VWC2L: variants seen among roughly 807,000 people sequenced by gnomAD.
VWC2L encodes the protein von Willebrand factor C domain-containing protein 2-like.
A neutral mutation model predicts 21.6 loss-of-function variants in VWC2L; 10 were observed. That is an observed-to-expected ratio of 0.46 (90% CI 0.29 to 0.78). VWC2L has a LOEUF of 0.78. Among genes scored for constraint, VWC2L ranks in the 30% least tolerant of loss-of-function variants. VWC2L has a pLI of 0.10. For missense variants in VWC2L, 209 were observed against 277.1 expected, an observed-to-expected ratio of 0.75 and a Z score of 1.74; for synonymous variants, 96 against 94.3, an observed-to-expected ratio of 1.02 and a Z score of -0.10.
At chr2:214,501,813 T>C (rs1255658369) in intron 3 of VWC2L, among the ~76,000 whole-genome samples, 13 of 152,152 alleles carry the variant, frequency 8.5e-5, no homozygotes, top group Admixed American at 6.5e-4. Context: ...CTTGGGATCT[T>C]TGAGCCACTA....
intron 3 of VWC2L, among the ~76,000 whole-genome samples, chr2:214,550,353 C>A (rs779370646): frequency 3.7e-4 from 57 of 152,242 alleles, no homozygotes; most frequent in Non-Finnish European, 6.5e-4. Flanking sequence ...TCCATTTCAA[C>A]CTTGGCTCTT....
intron 3 of VWC2L, among the ~76,000 whole-genome samples, chr2:214,467,666 A>C (rs1475420306): frequency 6.6e-6 from 1 of 152,146 alleles, no homozygotes; most frequent in East Asian, 1.9e-4. Flanking sequence ...TTTTTAACAG[A>C]GATTTAGCTC....
intron 3 of VWC2L, among the ~76,000 whole-genome samples, chr2:214,438,938 T>A (rs1248575259): frequency 6.6e-6 from 1 of 152,062 alleles, no homozygotes; most frequent in East Asian, 1.9e-4. Context: ...GCCACTTCTG[T>A]TCCCTCTTGG....
At chr2:214,552,268 T>C (rs1689806333) in intron 3 of VWC2L, among the ~76,000 whole-genome samples, 1 of 152,360 alleles carries the variant, frequency 6.6e-6, no homozygotes, top group Admixed American at 6.5e-5. Flanking sequence ...AAATAGGCCT[T>C]AGAAGTTGAC....
chr2:214,494,765 A>G (rs1383734343), intron 3 of VWC2L, among the ~76,000 whole-genome samples: 2 of 150,408 alleles, frequency 1.3e-5, no homozygotes, highest in African/African-American at 2.4e-5. Context: ...TGTTTTTTTT[A>G]TAGCACTAGG....
intron 3 of VWC2L, among the ~76,000 whole-genome samples, chr2:214,504,005 T>C (rs1020066006): frequency 1.3e-5 from 2 of 152,160 alleles, no homozygotes; most frequent in African/African-American, 4.8e-5. Context: ...ATTTAGACAC[T>C]GGCTAAAACA....
At chr2:214,480,254 G>T (rs1042227030) in intron 3 of VWC2L, among the ~76,000 whole-genome samples, 6 of 152,108 alleles carry the variant, frequency 3.9e-5, no homozygotes, top group Non-Finnish European at 8.8e-5. Flanking sequence ...ATATTGTATG[G>T]TAATAAAAGA....
At chr2:214,569,391 T>G (rs575630162) in intron 3 of VWC2L, among the ~76,000 whole-genome samples, 3 of 152,246 alleles carry the variant, frequency 2.0e-5, no homozygotes, top group Admixed American at 2.0e-4. Flanking sequence ...CAATGCTTTA[T>G]CATGGCCAAC....
chr2:214,538,891 A>C (rs1317405684), intron 3 of VWC2L, among the ~76,000 whole-genome samples: 1 of 152,080 alleles, frequency 6.6e-6, no homozygotes, highest in Admixed American at 6.6e-5. Context: ...GTGTTGTTTG[A>C]GAGACGAATT....
intron 3 of VWC2L, among the ~76,000 whole-genome samples, chr2:214,534,485 C>T (rs1053373204): frequency 6.6e-6 from 1 of 152,026 alleles, no homozygotes; most frequent in Non-Finnish European, 1.5e-5. Context: ...TACATCACCA[C>T]CAATGAGAAA....
chr2:214,460,890 T>G (rs549056189), intron 3 of VWC2L, among the ~76,000 whole-genome samples: 1 of 152,296 alleles, frequency 6.6e-6, no homozygotes, highest in South Asian at 2.1e-4. Flanking sequence ...CTTCTTCCAG[T>G]TTTTTGGATT....
rs560287970 is a variant in VWC2L, at chr2:214,493,724, C to G, written c.520+56966C>G. On this transcript the variant is annotated intron_variant, in intron 3 of 3. Coordinates refer to ENST00000312504, the MANE Select transcript of VWC2L (RefSeq NM_001080500.4). Reference sequence around the variant, plus strand: ...AAGAGGATATTCTGAGGTCAGGTCTCTATCAACTGTCCATCTAAGGTACTG... The same window carrying G: ...AAGAGGATATTCTGAGGTCAGGTCTGTATCAACTGTCCATCTAAGGTACTG... 7.1e-4 allele frequency among the ~76,000 whole-genome samples: 108 copies of G among 152,298 alleles called. 1 individual carries two copies. The Middle Eastern group carries it at 0.01, about 14-fold the overall frequency.
intron 3 of VWC2L, among the ~76,000 whole-genome samples, chr2:214,492,866 G>T (rs1688763251): frequency 6.6e-6 from 1 of 152,126 alleles, no homozygotes; most frequent in African/African-American, 2.4e-5. Context: ...CAAGTTTCTT[G>T]CTCACAGTAC....
chr2:214,452,023 C>T (rs1215406254), intron 3 of VWC2L, among the ~76,000 whole-genome samples: 1 of 152,172 alleles, frequency 6.6e-6, no homozygotes, highest in Non-Finnish European at 1.5e-5. Context: ...CCCTCCAGTC[C>T]TTCTCTGCCC....
intron 3 of VWC2L, among the ~76,000 whole-genome samples, chr2:214,514,802 T>C (rs555068860): frequency 6.6e-6 from 1 of 152,362 alleles, no homozygotes; most frequent in South Asian, 2.1e-4. Context: ...AAAATTGGCA[T>C]AATCACAGTT....
At chr2:214,495,445 G>A (rs7599983) in intron 3 of VWC2L, among the ~76,000 whole-genome samples, 47,131 of 151,920 alleles carry the variant, frequency 0.31, 7,786 homozygotes, top group Middle Eastern at 0.39. Flanking sequence ...CAATGATTTC[G>A]ATTTTCTGTT....
intron 3 of VWC2L, among the ~76,000 whole-genome samples, chr2:214,469,240 A>G (rs1464778023): frequency 6.6e-6 from 1 of 152,188 alleles, no homozygotes; most frequent in East Asian, 1.9e-4. Context: ...AATCCATGCA[A>G]TTAATGACGA....
intron 3 of VWC2L, among the ~76,000 whole-genome samples, chr2:214,574,971 A>T (rs1352307959): frequency 6.6e-6 from 1 of 151,038 alleles, no homozygotes; most frequent in Non-Finnish European, 1.5e-5. Flanking sequence ...AGGCTTTTGA[A>T]TGTCAAAAAG....
chr2:214,481,517 A>C (rs1025439208), intron 3 of VWC2L, among the ~76,000 whole-genome samples: 3 of 152,166 alleles, frequency 2.0e-5, no homozygotes, highest in Non-Finnish European at 4.4e-5. Flanking sequence ...AAAAGACCAA[A>C]AGAATAACTG....
Sources: gnomAD v4.1 joint callset for allele counts (sites outside exome capture counted in the v4.1 genomes callset) on GRCh38, gnomAD v4.1.1 for gene constraint, MANE v1.5 for transcripts, NCBI Gene and HGNC (gene_info 2026-07-23, HGNC 2026-07-21) for gene names.